SIK2: variants seen among roughly 807,000 people sequenced by gnomAD.
SIK2 encodes the protein serine/threonine-protein kinase SIK2.
A neutral mutation model predicts 103.2 loss-of-function variants in SIK2; 29 were observed. The ratio of observed to expected loss-of-function variants is 0.28; its 90% CI spans 0.21 to 0.38. SIK2 has a LOEUF of 0.38. SIK2 is among the 10% of genes least tolerant of loss of function. SIK2 has a pLI of 1.00. For missense variants in SIK2, 879 were observed against 1,171.0 expected, an observed-to-expected ratio of 0.75 and a Z score of 3.64; for synonymous variants, 412 against 446.1, an observed-to-expected ratio of 0.92 and a Z score of 0.96.
In SIK2 at chr11:111,602,790, G is replaced by A. The variant is rs1941601180; in HGVS notation, c.135+92G>A. ...GGGCGGCCGCAGTGGTGGGACCGGG[G>A]AGACCCGAGAGGCCGCCTCACTGGC... On this transcript the variant is annotated intron_variant, in intron 1 of 14. Coordinates refer to ENST00000304987, the MANE Select transcript of SIK2 (RefSeq NM_015191.3). This position sits in a 1 kb window ranked among gnomAD's most constrained non-coding sequence, Gnocchi z 4.5. 2 of 1,392,906 alleles carry A rather than the reference G, an allele frequency of 1.4e-6. No individual in the cohort carries two copies. The highest frequency in any genetic ancestry group is 6.4e-5 in the Admixed American group (2 of 31,054). The allele number at this position is 1,392,906 out of a possible 1,614,324, so 86.3% of individuals were successfully genotyped here.
At position 111,616,351 on chromosome 11, in the gene SIK2, C is replaced by T. The variant is rs759867307; in HGVS notation, c.244C>T (p.Leu82Phe). ...KMLDHPHIIK[L>F]YQVMETKSML... ...GTTAGACCACCCTCACATAATCAAA[C>T]TTTATCAGGTATGACTCAGCCTAAC... is the stretch of plus-strand genomic sequence containing the variant. The change falls in exon 2 of 15, where the codon CTT (leucine) becomes TTT (phenylalanine). Residue 82 changes from leucine (L) to phenylalanine (F), a missense_variant. By Grantham distance (22) the Leu-to-Phe change is conservative. Coordinates refer to ENST00000304987, the MANE Select transcript of SIK2 (RefSeq NM_015191.3). 2.0e-5 allele frequency: 31 copies of T among 1,583,752 alleles called. No individual in the cohort carries two copies. The South Asian group carries it at 3.2e-4, about 16-fold the overall frequency.
rs370784406 is a variant in SIK2 at position 111,729,353 on chromosome 11, GC to G, written c.*5227del. ...TGGGTTCTGCCCAGATACTCTGCTCGCCCACCCACAAGGGAGCAATAGCTTA... is the reference window on the plus strand; with the variant it reads ...TGGGTTCTGCCCAGATACTCTGCTCGCCACCCACAAGGGAGCAATAGCTTA... On this transcript the variant is annotated 3_prime_UTR_variant, in exon 15 of 15. Coordinates refer to ENST00000304987, the MANE Select transcript of SIK2 (RefSeq NM_015191.3). The G allele has an allele frequency of 1.8e-4, 27 of 152,302 alleles. No individual in the cohort carries two copies. Among genetic ancestry groups the G allele is most frequent in the African/African-American group, 6.3e-4 (26 of 41,564 alleles). The allele number at this position is 152,302 out of a possible 1,614,324, so 9.4% of individuals were successfully genotyped here. A position where few individuals can be genotyped will look rare whatever the true frequency, so the allele number is the denominator to read the frequency against.
chr11:111,633,630 C>T (rs776116101), intron 3 of SIK2, among the ~76,000 whole-genome samples: 4 of 152,190 alleles, frequency 2.6e-5, no homozygotes, highest in Non-Finnish European at 5.9e-5. Flanking sequence ...GTATACTGAG[C>T]AGTTTTTGAG....
Position 111,721,884 on chromosome 11 carries a change from C to T in SIK2, c.1999C>T (p.Pro667Ser), listed in dbSNP as rs1195759144. 2 of 1,612,726 alleles carry T rather than the reference C, an allele frequency of 1.2e-6. No homozygotes were observed. The highest frequency in any genetic ancestry group is 1.7e-5 in the Admixed American group (1 of 59,774). ...CTCCACTCTCCCTGCCAGCGTGCAT[C>T]CCCAGCTGTCCCCACGGCAGAGCCT... The part of the protein sequence containing the change: ...SVSTLPASVH[P>S]QLSPRQSLET... Residue 667 changes from proline (P) to serine (S), a missense_variant, in exon 13 of 15, where the codon CCC (proline) becomes TCC (serine). This residue lies in a region of SIK2 where 375 missense variants were observed against 416.3 expected (regional missense o/e 0.90). Coordinates refer to ENST00000304987, the MANE Select transcript of SIK2 (RefSeq NM_015191.3).
At chr11:111,665,122 A>G (rs1942518193) in intron 3 of SIK2, among the ~76,000 whole-genome samples, 1 of 152,114 alleles carries the variant, frequency 6.6e-6, no homozygotes. Flanking sequence ...ATTTGGTAGG[A>G]TTTGGTGATG....
chr11:111,654,007 T>C lies in SIK2; in HGVS notation c.316+33605T>C, dbSNP rs183143889. ...AAAGTCAATTTCAAGATGGTTTCCA[T>C]TGTTAAGAATTTGAAGCAAAAGACT... On this transcript the variant is annotated intron_variant, in intron 3 of 14. Coordinates refer to ENST00000304987, the MANE Select transcript of SIK2 (RefSeq NM_015191.3). Among the ~76,000 whole-genome samples the C allele has an allele frequency of 1.2e-4, 18 of 152,344 alleles. No individual in the cohort carries two copies. The East Asian group carries it at 1.7e-3, about 15-fold the overall frequency.
chr11:111,722,752 C>T lies in SIK2; in HGVS notation c.2143C>T (p.His715Tyr). The T allele has an allele frequency of 6.2e-7, 1 of 1,613,762 alleles. No individual in the cohort carries two copies. The highest frequency in any genetic ancestry group is 8.5e-7 in the Non-Finnish European group (1 of 1,179,822). The change falls in exon 14 of 15, where the codon CAT becomes TAT. Residue 715 changes from histidine (H) to tyrosine (Y), a missense_variant. His to Tyr is a moderately conservative substitution (Grantham distance 83, BLOSUM62 2). Around this residue, in one of 7 missense-constraint regions of SIK2, gnomAD observed 375 missense variants for 416.3 expected, o/e 0.90. Coordinates refer to ENST00000304987, the MANE Select transcript of SIK2 (RefSeq NM_015191.3). This position sits in a 1 kb window ranked among gnomAD's most constrained non-coding sequence, Gnocchi z 4.4. ...GAGCCTTGAGCAGCAGCTGCAGGAA[C>T]ATAGGTGAGAAGGGGACTTTGGCCA... ...PRSLEQQLQE[H>Y]RLQQKRLFLQ...
chr11:111,683,016 A>G (rs1942796151), intron 3 of SIK2: 1 of 152,266 alleles, frequency 6.6e-6, no homozygotes, highest in African/African-American at 2.4e-5. Context: ...GTTAACAAAC[A>G]TAAAATTATA....
intron 9 of SIK2, among the ~76,000 whole-genome samples, chr11:111,719,518 T>C (rs1943742155): frequency 6.6e-6 from 1 of 152,120 alleles, no homozygotes; most frequent in Non-Finnish European, 1.5e-5. Flanking sequence ...AGTTGTTTAT[T>C]GTAATAATGA....
rs1281205813 is a variant in SIK2 at position 111,722,552 on chromosome 11, T to C, written c.2056-113T>C. 1 of 1,006,404 alleles carries C rather than the reference T, an allele frequency of 9.9e-7. No individual in the cohort carries two copies. Among genetic ancestry groups the C allele is most frequent in the Non-Finnish European group, 1.5e-6 (1 of 670,544 alleles). 62.3% of individuals were successfully genotyped at this position (1,006,404 alleles called of 1,614,324 possible). On this transcript the variant is annotated intron_variant, in intron 13 of 14. Coordinates refer to ENST00000304987, the MANE Select transcript of SIK2 (RefSeq NM_015191.3). This position sits in a 1 kb window ranked among gnomAD's most constrained non-coding sequence, Gnocchi z 4.4. ...AGTAAATGTCAGTCCCTTCACCCCG[T>C]GTGGATTCTGTAGAATGCAGTTAGA...
At chr11:111,671,492 C>A in intron 3 of SIK2, 5 of 278,812 alleles carry the variant, frequency 1.8e-5, no homozygotes, top group South Asian at 1.5e-4. Flanking sequence ...CAATGCAAGT[C>A]ATCTCAGTGC....
intron 3 of SIK2, among the ~76,000 whole-genome samples, chr11:111,675,293 G>A (rs1942687837): frequency 6.6e-6 from 1 of 152,152 alleles, no homozygotes; most frequent in African/African-American, 2.4e-5. Flanking sequence ...GCAGGGATAT[G>A]CACCACCTAT....
In SIK2 at chr11:111,727,218, T is replaced by G. The variant is rs1162628873; in HGVS notation, c.*3089T>G. 1 of 641,508 alleles carries G rather than the reference T, an allele frequency of 1.6e-6. No homozygotes were observed. The highest frequency in any genetic ancestry group is 2.8e-6 in the Non-Finnish European group (1 of 361,232). 39.7% of individuals were successfully genotyped at this position (641,508 alleles called of 1,614,324 possible). ...TGATGGTTCTCTACACCATCCACCT[T>G]GAGAATCCCTGCGTGGGAGAGCATC... is the stretch of plus-strand genomic sequence containing the variant. On this transcript the variant is annotated 3_prime_UTR_variant, in exon 15 of 15. Transcript: ENST00000304987.
Position 111,658,747 on chromosome 11 carries a change from A to G in SIK2, c.317-29254A>G, listed in dbSNP as rs78602340. Among the ~76,000 whole-genome samples, 613 of 152,226 alleles carry G rather than the reference A, an allele frequency of 4.0e-3. 4 individuals are homozygous for G. The highest frequency in any genetic ancestry group is 0.02 in the East Asian group (103 of 5,166). On this transcript the variant is annotated intron_variant, in intron 3 of 14. Transcript: ENST00000304987. ...CAGAGTGAGGCCTTGTCACAAAAAA[A>G]AAAGAAGAAGAAGAAGAATTAGGAG... is the stretch of plus-strand genomic sequence containing the variant.
chr11:111,688,264 GAT>G lies in SIK2; in HGVS notation c.478+103_478+104del, dbSNP rs1278609812. On this transcript the variant is annotated intron_variant, in intron 4 of 14. Transcript: ENST00000304987. The surrounding 1 kb of genome is among the most constrained non-coding windows in gnomAD (Gnocchi z 4.2). ...CGCAGATTCAGCAGCATTTCTACCTGATGACATCAGGCTATCTCAAAGTCCAT... is the reference window on the plus strand; with the variant it reads ...CGCAGATTCAGCAGCATTTCTACCTGGACATCAGGCTATCTCAAAGTCCAT... The G allele has an allele frequency of 3.5e-6, 4 of 1,158,558 alleles. No homozygotes were observed. The African/African-American group carries it at 4.6e-5, about 13-fold the overall frequency. 71.8% of individuals were successfully genotyped at this position (1,158,558 alleles called of 1,614,324 possible).
chr11:111,667,632 C>A (rs1012952793), intron 3 of SIK2, among the ~76,000 whole-genome samples: 9 of 151,964 alleles, frequency 5.9e-5, no homozygotes, highest in African/African-American at 2.2e-4. Flanking sequence ...GTTGGGATTA[C>A]AGGCATGTGC....
At chr11:111,630,735 T>G (rs1942027163) in intron 3 of SIK2, among the ~76,000 whole-genome samples, 1 of 152,116 alleles carries the variant, frequency 6.6e-6, no homozygotes, top group Non-Finnish European at 1.5e-5. Context: ...AGTGGGGGTA[T>G]TTGGTCATTA....
chr11:111,602,560 C>T lies in SIK2; in HGVS notation c.-4C>T. ...GTCCGCCGTGTCTAGCAGCGGGGCC[C>T]AGCATGGTCATGGCGGATGGCCCGA... On this transcript the variant is annotated 5_prime_UTR_variant, in exon 1 of 15. Coordinates refer to ENST00000304987, the MANE Select transcript of SIK2 (RefSeq NM_015191.3). This position sits in a 1 kb window ranked among gnomAD's most constrained non-coding sequence, Gnocchi z 4.5. The T allele has an allele frequency of 6.6e-7, 1 of 1,515,424 alleles. No individual in the cohort carries two copies. Among genetic ancestry groups the T allele is most frequent in the Non-Finnish European group, 8.8e-7 (1 of 1,132,190 alleles). 93.9% of individuals were successfully genotyped at this position (1,515,424 alleles called of 1,614,324 possible).
intron 4 of SIK2, among the ~76,000 whole-genome samples, chr11:111,692,385 A>AAAAAAAAAAAAAC (rs1942966510): frequency 8.4e-6 from 1 of 119,628 alleles, no homozygotes; most frequent in Non-Finnish European, 1.8e-5. Flanking sequence ...AAAAAAAAAA[A>AAAAAAAAAAAAAC]AAACACAAAA....
Sources: allele counts gnomAD v4.1 joint callset (sites outside exome capture counted in the v4.1 genomes callset), GRCh38; gene constraint gnomAD v4.1.1; regional missense constraint gnomAD v4.1.1; non-coding constraint Gnocchi (gnomAD v3.1); transcripts MANE v1.5; gene names NCBI Gene and HGNC (gene_info 2026-07-23, HGNC 2026-07-21).